BICRA: variants seen among roughly 807,000 people sequenced by gnomAD.
BICRA encodes BRD4 interacting chromatin remodeling complex associated protein.
BICRA carries 31 observed loss-of-function variants against 96.9 expected under a neutral mutation model. The ratio of observed to expected loss-of-function variants is 0.32; its 90% CI spans 0.24 to 0.43. BICRA has a LOEUF of 0.43. Among genes scored for constraint, BICRA ranks in the 20% least tolerant of loss-of-function variants. BICRA has a pLI of 1.00. For missense variants in BICRA, 2,283 were observed against 2,190.3 expected, an observed-to-expected ratio of 1.04 and a Z score of -0.84; for synonymous variants, 1,350 against 1,071.8, an observed-to-expected ratio of 1.26 and a Z score of -5.07.
At chr19:47,673,928 G>A (rs1334574601) in intron 4 of BICRA, among the ~76,000 whole-genome samples, 166 bp downstream of exon 4, 1 of 152,006 alleles carries the variant, frequency 6.6e-6, no homozygotes, top group Non-Finnish European at 1.5e-5. Context: ...GTAATCCCCT[G>A]TCCTCCTTCC....
At chr19:47,653,442 C>T (rs1301339092) in intron 1 of BICRA, among the ~76,000 whole-genome samples, 1 of 151,918 alleles carries the variant, frequency 6.6e-6, no homozygotes, top group African/African-American at 2.4e-5. Flanking sequence ...GTTGTGCAGA[C>T]ATCACCACAA....
rs542990362 is a variant in BICRA, at chr19:47,672,354, G to A, written c.-5-1216G>A. 2.0e-5 allele frequency among the ~76,000 whole-genome samples: 3 copies of A among 148,716 alleles called. No homozygotes were observed. In the South Asian group the frequency reaches 6.6e-4, roughly 33 times the overall value. On this transcript the variant is annotated intron_variant, in intron 2 of 14. Transcript: ENST00000594866. ...TGGAGGATGGGTAGGTAGATGGATGGAAGGATGGAGGATGGGTAGGTAGAT... is the reference window on the plus strand; with the variant it reads ...TGGAGGATGGGTAGGTAGATGGATGAAAGGATGGAGGATGGGTAGGTAGAT...
intron 4 of BICRA, among the ~76,000 whole-genome samples, chr19:47,674,988 C>A (rs992939681): frequency 6.6e-6 from 1 of 152,166 alleles, no homozygotes; most frequent in Admixed American, 6.5e-5. Flanking sequence ...AGAGCAGAGG[C>A]ATGAGCAATG....
At chr19:47,645,085 G>A (rs188697855) in intron 1 of BICRA, among the ~76,000 whole-genome samples, 15 of 152,194 alleles carry the variant, frequency 9.9e-5, no homozygotes, top group African/African-American at 3.1e-4. Flanking sequence ...GCCACTCTCC[G>A]TATTCTGGCT....
At chr19:47,622,014 T>G (rs913013977) in intron 1 of BICRA, among the ~76,000 whole-genome samples, 2 of 151,688 alleles carry the variant, frequency 1.3e-5, no homozygotes, top group Admixed American at 1.3e-4. Flanking sequence ...TTGCCTAAGC[T>G]GGAGTGCAGT....
At position 47,680,984 on chromosome 19, in the gene BICRA, C is replaced by A. The variant is rs945509256; in HGVS notation, c.1814C>A (p.Pro605Gln). Residue 605 changes from proline to glutamine, a missense_variant, in exon 6 of 15, where the codon CCG (proline) becomes CAG (glutamine). Transcript: ENST00000594866. ...MLNTPDGLVQ[P>Q]ATPAAATGEA... ...AACACCCCCGACGGCCTGGTGCAGC[C>A]GGCCACCCCTGCCGCTGCCACCGGG... The A allele has an allele frequency of 2.0e-6, 3 of 1,465,118 alleles. No individual in the cohort carries two copies. The highest frequency in any genetic ancestry group is 2.3e-4 in the Middle Eastern group (1 of 4,434). The allele number at this position is 1,465,118 out of a possible 1,614,324, so 90.8% of individuals were successfully genotyped here.
intron 7 of BICRA, among the ~76,000 whole-genome samples, chr19:47,692,886 CT>C (rs1228963828): frequency 6.6e-6 from 1 of 152,234 alleles, no homozygotes; most frequent in East Asian, 1.9e-4. Flanking sequence ...CCTGAGCCCT[CT>C]GAGCCTGAAC....
At chr19:47,614,549 G>A (rs1046126285) in intron 1 of BICRA, among the ~76,000 whole-genome samples, 4 of 152,334 alleles carry the variant, frequency 2.6e-5, no homozygotes, top group Admixed American at 6.5e-5. Context: ...TGCAGGAGGC[G>A]GAGGTTGCGG....
At chr19:47,633,886 A>G (rs1171502189) in intron 1 of BICRA, among the ~76,000 whole-genome samples, 2 of 152,210 alleles carry the variant, frequency 1.3e-5, no homozygotes, top group African/African-American at 4.8e-5. Flanking sequence ...AATATTAAGA[A>G]TGGATTGCTG....
intron 1 of BICRA, among the ~76,000 whole-genome samples, chr19:47,618,401 C>A (rs906505502): frequency 2.6e-5 from 4 of 152,112 alleles, no homozygotes; most frequent in Non-Finnish European, 5.9e-5. Context: ...ATTTGGATGA[C>A]CTTATTGTTA....
rs112944175 is a variant in BICRA at position 47,691,532 on chromosome 19, G to A, written c.2284-2583G>A. ...AGAGTAAGTTGCAACCATTATACCC[G>A]TTTGCCCCTTAATATTTTATTTTAT... On this transcript the variant is annotated intron_variant, in intron 7 of 14. Transcript: ENST00000594866. Among the ~76,000 whole-genome samples, 165 of 152,068 alleles carry A rather than the reference G, an allele frequency of 1.1e-3. 4 individuals are homozygous for A. The highest frequency in any genetic ancestry group is 3.8e-3 in the African/African-American group (159 of 41,488).
At chr19:47,670,101 G>A (rs1051088969) in intron 1 of BICRA, among the ~76,000 whole-genome samples, 4 of 151,888 alleles carry the variant, frequency 2.6e-5, no homozygotes, top group Non-Finnish European at 5.9e-5. Flanking sequence ...ACAGGCAAGC[G>A]ACCATGCCCA....
chr19:47,681,178 C>G lies in BICRA; in HGVS notation c.2008C>G (p.Leu670Val). ...QATTPQPSPG[L>V]ASSPEKIVLG... ...CACCACCCCCCAGCCCAGCCCTGGC[C>G]TGGCGTCTAGCCCGGAGAAGATCGT... Residue 670 changes from leucine to valine, a missense_variant, in exon 6 of 15, where the codon CTG (leucine) becomes GTG (valine). Physicochemically the swap from Leu to Val is conservative, Grantham distance 32. Transcript: ENST00000594866. 1 of 1,530,072 alleles carries G rather than the reference C, an allele frequency of 6.5e-7. No homozygotes were observed. Among genetic ancestry groups the G allele is most frequent in the Non-Finnish European group, 8.8e-7 (1 of 1,141,630 alleles). 94.8% of individuals were successfully genotyped at this position (1,530,072 alleles called of 1,614,324 possible).
At chr19:47,681,547 A>C (rs1410596176) in intron 6 of BICRA, among the ~76,000 whole-genome samples, 2 of 152,174 alleles carry the variant, frequency 1.3e-5, no homozygotes, top group African/African-American at 4.8e-5. Context: ...GCAGACAGAC[A>C]GACAAAGAGA....
intron 1 of BICRA, among the ~76,000 whole-genome samples, chr19:47,610,929 C>A (rs572059646): frequency 6.6e-6 from 1 of 152,104 alleles, no homozygotes; most frequent in Admixed American, 6.6e-5. Context: ...CATAGCTCCC[C>A]GCTCAAGATG....
In BICRA at chr19:47,701,671, G is replaced by A. The variant is rs1214356444; in HGVS notation, c.3939G>A (p.Lys1313=). 6.2e-7 allele frequency: 1 copy of A among 1,603,634 alleles called. No individual in the cohort carries two copies. The highest frequency in any genetic ancestry group is 1.1e-5 in the South Asian group (1 of 89,482). ...RSRIGLKLKI[K]QEAGLSKVVH... ...GCATCGGGCTCAAGCTCAAGATCAA[G>A]CAGGAAGCCGGGCTCAGCAAGGTCG... The change falls in exon 15 of 15, where the codon AAG becomes AAA. Residue 1313 remains lysine (K), a synonymous_variant. Coordinates refer to ENST00000594866, the MANE Select transcript of BICRA (RefSeq NM_001394372.1). The surrounding 1 kb of genome is among the most constrained non-coding windows in gnomAD (Gnocchi z 5.4).
At chr19:47,621,744 C>T (rs182292356) in intron 1 of BICRA, among the ~76,000 whole-genome samples, 1 of 152,136 alleles carries the variant, frequency 6.6e-6, no homozygotes, top group East Asian at 1.9e-4. Flanking sequence ...GCTGGGATTA[C>T]AGGCGTGAGC....
At chr19:47,685,249 GGGCTGGGATTATGGACGTGA>G (rs1973126849) in intron 7 of BICRA, among the ~76,000 whole-genome samples, 2 of 151,998 alleles carry the variant, frequency 1.3e-5, no homozygotes, top group Non-Finnish European at 2.9e-5. Flanking sequence ...GCTTCTCACA[GGGCTGGGATTATGGACGTGA>G]GCCACTGTGC....
Position 47,654,176 on chromosome 19 carries a change from G to A in BICRA, c.-107-16267G>A, listed in dbSNP as rs184690561. 5.9e-5 allele frequency among the ~76,000 whole-genome samples: 9 copies of A among 152,220 alleles called. No individual in the cohort carries two copies. In the East Asian group the frequency reaches 1.4e-3, roughly 23 times the overall value. Reference sequence around the variant, plus strand: ...GACAGTGAGTGAGCATTCGTGTTCCGCCACACCCTCACGAACACTTGCCCT... The same window carrying A: ...GACAGTGAGTGAGCATTCGTGTTCCACCACACCCTCACGAACACTTGCCCT... On this transcript the variant is annotated intron_variant, in intron 1 of 14. Transcript: ENST00000594866.
Sources: gnomAD v4.1 joint callset for allele counts (sites outside exome capture counted in the v4.1 genomes callset) on GRCh38, gnomAD v4.1.1 for gene constraint, Gnocchi (gnomAD v3.1) non-coding constraint, MANE v1.5 for transcripts, NCBI Gene and HGNC (gene_info 2026-07-23, HGNC 2026-07-21) for gene names.